HPSE2: variants seen among roughly 807,000 people sequenced by gnomAD.
The protein encoded by HPSE2 is inactive heparanase-2.
HPSE2 carries 38 observed loss-of-function variants against 60.5 expected under a neutral mutation model. The ratio of observed to expected loss-of-function variants is 0.63; its 90% CI spans 0.48 to 0.82. The LOEUF (loss-of-function observed/expected upper bound fraction) is 0.82, where lower values mean the gene tolerates loss of function less well. Among genes scored for constraint, HPSE2 ranks in the 40% least tolerant of loss-of-function variants. The probability of loss-of-function intolerance (pLI) is 0.00; values close to 1 mark genes in which losing one functional copy is unlikely to be tolerated. For missense variants in HPSE2, 713 were observed against 740.4 expected, an observed-to-expected ratio of 0.96 and a Z score of 0.43; for synonymous variants, 295 against 293.2, an observed-to-expected ratio of 1.01 and a Z score of -0.06.
chr10:98,776,539 A>G (rs1383315452), intron 3 of HPSE2, among the ~76,000 whole-genome samples: 1 of 152,206 alleles, frequency 6.6e-6, no homozygotes, highest in Admixed American at 6.5e-5. Flanking sequence ...AACAGAATCT[A>G]ACAATAAGGA....
At chr10:99,190,010 A>C (rs1056155384) in intron 2 of HPSE2, among the ~76,000 whole-genome samples, 1 of 152,064 alleles carries the variant, frequency 6.6e-6, no homozygotes, top group African/African-American at 2.4e-5. Flanking sequence ...ATGAATCTCC[A>C]CTGTCTTTCT....
chr10:98,481,278 T>G (rs1941224347), intron 11 of HPSE2, among the ~76,000 whole-genome samples: 1 of 152,192 alleles, frequency 6.6e-6, no homozygotes, highest in Non-Finnish European at 1.5e-5. Flanking sequence ...GTTTTCAAGC[T>G]GCACAGGACC....
At chr10:98,616,604 T>G (rs543080691) in intron 8 of HPSE2, among the ~76,000 whole-genome samples, 1 of 152,332 alleles carries the variant, frequency 6.6e-6, no homozygotes, top group South Asian at 2.1e-4. Context: ...TTTTTACATT[T>G]ACAATTATAT....
chr10:98,646,478 C>G (rs1946774204), intron 6 of HPSE2, among the ~76,000 whole-genome samples: 1 of 152,000 alleles, frequency 6.6e-6, no homozygotes. Flanking sequence ...AAAACCAAAG[C>G]CAAGAAAGGC....
chr10:98,674,390 A>G (rs1329056789), intron 6 of HPSE2, among the ~76,000 whole-genome samples: 1 of 152,224 alleles, frequency 6.6e-6, no homozygotes. Flanking sequence ...AGTCCTCCCT[A>G]GAAAGTGGCT....
At chr10:98,673,057 T>C (rs1947547591) in intron 6 of HPSE2, among the ~76,000 whole-genome samples, 1 of 152,108 alleles carries the variant, frequency 6.6e-6, no homozygotes, top group Admixed American at 6.5e-5. Flanking sequence ...ATAAAGATGG[T>C]TCCAAAAGAT....
chr10:99,155,914 G>T (rs1846532620), intron 2 of HPSE2, among the ~76,000 whole-genome samples: 1 of 151,356 alleles, frequency 6.6e-6, no homozygotes, highest in Admixed American at 6.6e-5. Context: ...ATGATAAAGG[G>T]GATATCACCA....
chr10:98,941,541 C>A (rs1955001303), intron 3 of HPSE2, among the ~76,000 whole-genome samples: 1 of 142,526 alleles, frequency 7.0e-6, no homozygotes, highest in Admixed American at 7.0e-5. Context: ...AGGACCTCTT[C>A]AAGGAGAACT....
intron 6 of HPSE2, among the ~76,000 whole-genome samples, chr10:98,661,441 T>A (rs1947222461): frequency 1.3e-5 from 2 of 152,202 alleles, no homozygotes; most frequent in Admixed American, 6.5e-5. Context: ...CATCTCTATG[T>A]CCTAGTGACT....
chr10:98,694,169 C>T (rs763937277), intron 5 of HPSE2, among the ~76,000 whole-genome samples: 3 of 152,116 alleles, frequency 2.0e-5, no homozygotes, highest in Non-Finnish European at 4.4e-5. Context: ...CATCCCTCAC[C>T]ATCTGGAAAT....
chr10:99,159,643 A>G (rs1846740884), intron 2 of HPSE2, among the ~76,000 whole-genome samples: 2 of 152,192 alleles, frequency 1.3e-5, no homozygotes, highest in African/African-American at 2.4e-5. Flanking sequence ...CTTACATCAT[A>G]TACAAAAGAA....
chr10:98,726,360 T>A (rs1949078979), intron 4 of HPSE2, among the ~76,000 whole-genome samples: 1 of 151,800 alleles, frequency 6.6e-6, no homozygotes, highest in Non-Finnish European at 1.5e-5. Context: ...CTGGAAACCA[T>A]CATTCTCAGT....
chr10:99,280,185 C>T, the HPSE2 span, among the ~76,000 whole-genome samples: 1 of 152,262 alleles, frequency 6.6e-6, no homozygotes, highest in African/African-American at 2.4e-5. Flanking sequence ...AGATTTGTCA[C>T]AAGGCAGGTT....
chr10:98,836,587 T>G (rs1177143949), intron 3 of HPSE2, among the ~76,000 whole-genome samples: 3 of 152,216 alleles, frequency 2.0e-5, no homozygotes, highest in Non-Finnish European at 4.4e-5. Context: ...GTCTGAAATG[T>G]GTAGAACAGG....
intron 7 of HPSE2, among the ~76,000 whole-genome samples, chr10:98,632,051 G>A (rs1946378317): frequency 6.6e-6 from 1 of 152,030 alleles, no homozygotes; most frequent in Admixed American, 6.6e-5. Flanking sequence ...TATTACATGG[G>A]TTATAAAATA....
intron 9 of HPSE2, among the ~76,000 whole-genome samples, chr10:98,495,482 T>C (rs1941804221): frequency 6.6e-6 from 1 of 152,184 alleles, no homozygotes; most frequent in Admixed American, 6.5e-5. Flanking sequence ...ATCCTTTTTC[T>C]CTTCTCCTTC....
chr10:99,165,641 G>A (rs960889768), intron 2 of HPSE2, among the ~76,000 whole-genome samples: 1 of 151,934 alleles, frequency 6.6e-6, no homozygotes, highest in African/African-American at 2.4e-5. Flanking sequence ...CCACCTCCTG[G>A]GTTCAAGTGA....
At chr10:99,259,980 A>G in the HPSE2 span, among the ~76,000 whole-genome samples, 1 of 152,118 alleles carries the variant, frequency 6.6e-6, no homozygotes, top group African/African-American at 2.4e-5. Context: ...CCCGTAGAAA[A>G]ACTGTCTTCC....
chr10:99,065,387 T>C (rs753864453), intron 3 of HPSE2, among the ~76,000 whole-genome samples: 2 of 152,036 alleles, frequency 1.3e-5, no homozygotes, highest in Non-Finnish European at 2.9e-5. Flanking sequence ...AAGCCTACTT[T>C]CTGGAAAGGA....
Sources: allele counts gnomAD v4.1 joint callset (sites outside exome capture counted in the v4.1 genomes callset), GRCh38; gene constraint gnomAD v4.1.1; transcripts MANE v1.5; gene names NCBI Gene and HGNC (gene_info 2026-07-23, HGNC 2026-07-21).